Variants in CNTN4 observed in about 807,000 individuals in gnomAD.
The protein encoded by CNTN4 is contactin-4.
A neutral mutation model predicts 122.5 loss-of-function variants in CNTN4; 77 were observed. That is an observed-to-expected ratio of 0.63 (90% CI 0.52 to 0.76). CNTN4 has a LOEUF of 0.76. CNTN4 is among the 30% of genes least tolerant of loss of function. The pLI is 0.00. For missense variants in CNTN4, 1,256 were observed against 1,259.1 expected (o/e 1.00, Z 0.04); for synonymous variants, 512 against 447.0 (o/e 1.15, Z -1.83).
At chr3:2,541,213 C>T (rs2078018996) in intron 3 of CNTN4, among the ~76,000 whole-genome samples, 2 of 152,232 alleles carry the variant, frequency 1.3e-5, no homozygotes, top group South Asian at 4.1e-4. Flanking sequence ...TGCACTTGCA[C>T]AGGGCAACTT....
intron 2 of CNTN4, among the ~76,000 whole-genome samples, chr3:2,158,697 T>C (rs1321490164): frequency 6.6e-6 from 1 of 152,194 alleles, no homozygotes; most frequent in African/African-American, 2.4e-5. Flanking sequence ...TGAGCCTGCA[T>C]AGAAAAAGTC....
At chr3:2,106,798 A>G (rs1225824878) in intron 2 of CNTN4, among the ~76,000 whole-genome samples, 1 of 152,214 alleles carries the variant, frequency 6.6e-6, no homozygotes. Context: ...TTTCTTTTCT[A>G]CAGCATCATC....
At chr3:2,165,337 GACAAA>G (rs985902035) in intron 2 of CNTN4, among the ~76,000 whole-genome samples, 6 of 149,610 alleles carry the variant, frequency 4.0e-5, no homozygotes, top group Non-Finnish European at 5.9e-5. Context: ...AAAAAAAAAA[GACAAA>G]ACAAAAACCA....
chr3:3,024,702 G>T (rs1330743184), intron 14 of CNTN4, among the ~76,000 whole-genome samples: 1 of 152,030 alleles, frequency 6.6e-6, no homozygotes, highest in African/African-American at 2.4e-5. Flanking sequence ...GTAACTGAGA[G>T]ATTTTCTTTC....
chr3:3,042,843 T>C, intron 21 of CNTN4, 134 bp from the exon 22 acceptor site: 1 of 752,178 alleles, frequency 1.3e-6, no homozygotes, highest in Non-Finnish European at 2.3e-6. Context: ...GAGTCCTTTG[T>C]CCTGATAGCT....
chr3:2,998,336 A>G (rs570037030), intron 14 of CNTN4, among the ~76,000 whole-genome samples: 1 of 152,328 alleles, frequency 6.6e-6, no homozygotes, highest in Admixed American at 6.5e-5. Context: ...TGAGCCGTAG[A>G]CCACAAGCAT....
intron 8 of CNTN4, among the ~76,000 whole-genome samples, chr3:2,878,443 AT>A (rs1459848598): frequency 2.0e-5 from 3 of 152,016 alleles, no homozygotes; most frequent in African/African-American, 7.2e-5. Flanking sequence ...TACCCATCAC[AT>A]TTTTTCCCAT....
intron 23 of CNTN4, among the ~76,000 whole-genome samples, chr3:3,048,903 C>G (rs963012806): frequency 5.9e-5 from 9 of 152,132 alleles, no homozygotes; most frequent in Non-Finnish European, 1.2e-4. Flanking sequence ...ATTTTGTCAA[C>G]ACAAATCCTT....
intron 6 of CNTN4, among the ~76,000 whole-genome samples, chr3:2,765,117 A>T: frequency 6.6e-6 from 1 of 152,230 alleles, no homozygotes; most frequent in East Asian, 1.9e-4. Flanking sequence ...TCAATTTCTA[A>T]ATGCCGTACT....
chr3:2,685,416 T>C (rs939698752), intron 4 of CNTN4, among the ~76,000 whole-genome samples: 2 of 152,272 alleles, frequency 1.3e-5, no homozygotes, highest in East Asian at 3.9e-4. Flanking sequence ...AGTATAATTC[T>C]TTACCTGACT....
At chr3:2,994,641 A>T (rs1190286466) in intron 14 of CNTN4, among the ~76,000 whole-genome samples, 2 of 150,072 alleles carry the variant, frequency 1.3e-5, no homozygotes, top group African/African-American at 5.0e-5. Context: ...TTGTACCAGC[A>T]CCAAAGAGTA....
At chr3:2,763,404 T>C (rs893748656) in intron 6 of CNTN4, among the ~76,000 whole-genome samples, 1 of 152,254 alleles carries the variant, frequency 6.6e-6, no homozygotes, top group African/African-American at 2.4e-5. Context: ...ATACATAGTT[T>C]GCGAAGACTT....
intron 3 of CNTN4, chr3:2,362,772 C>A: frequency 4.9e-6 from 1 of 204,096 alleles, no homozygotes; most frequent in Non-Finnish European, 1.0e-5. Context: ...GGACCCTAGA[C>A]CTGGGTGCTT....
intron 2 of CNTN4, among the ~76,000 whole-genome samples, chr3:2,189,622 C>CA (rs938728612): frequency 6.6e-6 from 1 of 151,910 alleles, no homozygotes; most frequent in African/African-American, 2.4e-5. Context: ...CCCTGAAAAA[C>CA]AAAAAAAGAA....
intron 20 of CNTN4, among the ~76,000 whole-genome samples, chr3:3,040,695 A>T (rs1432123346): frequency 6.6e-6 from 1 of 152,216 alleles, no homozygotes; most frequent in Non-Finnish European, 1.5e-5. Flanking sequence ...TGGGAGGCCA[A>T]GGCGGGTGGA....
chr3:2,960,062 A>C (rs1056056658), intron 13 of CNTN4, among the ~76,000 whole-genome samples: 1 of 152,148 alleles, frequency 6.6e-6, no homozygotes, highest in African/African-American at 2.4e-5. Context: ...GAAATGAAGA[A>C]CTTCATTTTC....
At chr3:2,534,531 T>A (rs2077724455) in intron 3 of CNTN4, among the ~76,000 whole-genome samples, 1 of 152,078 alleles carries the variant, frequency 6.6e-6, no homozygotes, top group Non-Finnish European at 1.5e-5. Context: ...GCACTTGGGC[T>A]TAGTGCTTTT....
At chr3:2,871,094 A>G (rs890267120) in intron 8 of CNTN4, among the ~76,000 whole-genome samples, 1 of 152,144 alleles carries the variant, frequency 6.6e-6, no homozygotes. Context: ...GACACAAGCC[A>G]TGAGGATCCC....
chr3:2,365,731 A>G (rs184558743), intron 3 of CNTN4, among the ~76,000 whole-genome samples: 300 of 152,300 alleles, frequency 2.0e-3, no homozygotes, highest in African/African-American at 5.2e-3. Flanking sequence ...AAATAAAAAA[A>G]TATATATATA....
Sources: allele counts gnomAD v4.1 joint callset (sites outside exome capture counted in the v4.1 genomes callset), GRCh38; gene constraint gnomAD v4.1.1; transcripts MANE v1.5; gene names NCBI Gene and HGNC (gene_info 2026-07-23, HGNC 2026-07-21).